The following RABGAP1L variants were observed in gnomAD, a reference collection of about 807,000 sequenced individuals.
The protein encoded by RABGAP1L is RAB GTPase activating protein 1 like.
Under a neutral mutation model 137.7 loss-of-function variants are expected in RABGAP1L, and 63 were observed. The observed-to-expected ratio is 0.46, with a 90% CI of 0.37 to 0.56. The LOEUF is 0.56. RABGAP1L is among the 20% of genes least tolerant of loss of function. The pLI is 0.00. For synonymous variants in RABGAP1L, 431 were observed against 433.7 expected, an observed-to-expected ratio of 0.99 and a Z score of 0.08; for missense variants, 1,095 against 1,244.0, an observed-to-expected ratio of 0.88 and a Z score of 1.80.
At chr1:174,430,581 G>A (rs895046945) in intron 13 of RABGAP1L, among the ~76,000 whole-genome samples, 1 of 152,132 alleles carries the variant, frequency 6.6e-6, no homozygotes, top group African/African-American at 2.4e-5. Flanking sequence ...CTAGGGCAGA[G>A]CATTCAAGAC....
chr1:174,291,230 T>C (rs1001115034), intron 10 of RABGAP1L, among the ~76,000 whole-genome samples: 8 of 151,842 alleles, frequency 5.3e-5, no homozygotes, highest in African/African-American at 1.9e-4. Context: ...TTGTGGTTTT[T>C]CCCCCTTTTT....
In RABGAP1L at chr1:174,810,933, TA is replaced by T. The variant is rs549659111; in HGVS notation, c.2212-886del. Among the ~76,000 whole-genome samples, 848 of 145,648 alleles carry T rather than the reference TA, an allele frequency of 5.8e-3. 1 individual carries two copies. Among genetic ancestry groups the T allele is most frequent in the African/African-American group, 0.011 (438 of 39,908 alleles). On this transcript the variant is annotated intron_variant, in intron 18 of 25. Coordinates refer to ENST00000681986, the MANE Select transcript of RABGAP1L (RefSeq NM_001366446.1). Reference sequence around the variant, plus strand: ...ACAGAGTGAGACTCCCATCTCTATTTAAAAAAAAAAAAATTATAAGTAGCTG... The same window carrying T: ...ACAGAGTGAGACTCCCATCTCTATTTAAAAAAAAAAAATTATAAGTAGCTG...
intron 12 of RABGAP1L, among the ~76,000 whole-genome samples, chr1:174,390,656 A>G (rs927213019): frequency 6.6e-6 from 1 of 152,196 alleles, no homozygotes. Context: ...TGGGGAGGAT[A>G]AAGTTGGTTG....
chr1:174,764,083 T>TG (rs1195572726), intron 18 of RABGAP1L, among the ~76,000 whole-genome samples: 2 of 152,186 alleles, frequency 1.3e-5, no homozygotes, highest in African/African-American at 2.4e-5. Context: ...TGTGACTGGC[T>TG]TTTTTTCCTT....
intron 13 of RABGAP1L, among the ~76,000 whole-genome samples, chr1:174,463,111 T>G (rs2149286315): frequency 6.6e-6 from 1 of 152,284 alleles, no homozygotes; most frequent in South Asian, 2.1e-4. Flanking sequence ...TGGCGATTCC[T>G]CAGGGATCTA....
chr1:174,603,569 C>T (rs1216898867), intron 13 of RABGAP1L, among the ~76,000 whole-genome samples: 3 of 152,150 alleles, frequency 2.0e-5, no homozygotes, highest in Non-Finnish European at 1.5e-5. Context: ...TAAGCTGGCA[C>T]CCCCACCACA....
At chr1:174,978,968 C>T in intron 23 of RABGAP1L, 78 bp downstream of exon 23, 1 of 1,400,470 alleles carries the variant, frequency 7.1e-7, no homozygotes, top group Non-Finnish European at 9.3e-7. Flanking sequence ...TGCTTGAGGC[C>T]AGGAGTTTGA....
chr1:174,621,492 G>A (rs886832809), intron 13 of RABGAP1L, among the ~76,000 whole-genome samples: 2 of 152,178 alleles, frequency 1.3e-5, no homozygotes, highest in African/African-American at 2.4e-5. Context: ...CATGGTACTG[G>A]TAGCAAAACA....
intron 14 of RABGAP1L, among the ~76,000 whole-genome samples, chr1:174,661,698 A>T (rs1490855015): frequency 2.0e-5 from 3 of 152,144 alleles, no homozygotes; most frequent in Non-Finnish European, 4.4e-5. Flanking sequence ...GTGTGTGTCT[A>T]GTAAGATATA....
Position 174,354,249 on chromosome 1 carries a change from A to T in RABGAP1L, c.1466-16730A>T, listed in dbSNP as rs188595225. On this transcript the variant is annotated intron_variant, in intron 11 of 25. Coordinates refer to ENST00000681986, the MANE Select transcript of RABGAP1L (RefSeq NM_001366446.1). ...CCACCACTTTGCTTCTTTTTTTTTT[A>T]AATTCAATTTAATTTTTATTAATTT... is the stretch of plus-strand genomic sequence containing the variant. Among the ~76,000 whole-genome samples, 143 of 150,512 alleles carry T rather than the reference A, an allele frequency of 9.5e-4. No individual in the cohort carries two copies. The East Asian group carries it at 0.023, about 24-fold the overall frequency.
At chr1:174,855,211 T>G (rs577541399) in intron 19 of RABGAP1L, among the ~76,000 whole-genome samples, 71 of 152,256 alleles carry the variant, frequency 4.7e-4, no homozygotes, top group African/African-American at 1.7e-3. Context: ...ATTCTAGTAG[T>G]AGAGACCAAT....
intron 13 of RABGAP1L, among the ~76,000 whole-genome samples, chr1:174,618,367 C>A (rs55945681): frequency 0.38 from 55,713 of 148,148 alleles, 13,422 homozygotes; most frequent in African/African-American, 0.69. Context: ...CTGACCCACG[C>A]GTAGCCTAAC....
In RABGAP1L at chr1:174,616,614, G is replaced by T. The variant is rs139458745; in HGVS notation, c.1711-20761G>T. On this transcript the variant is annotated intron_variant, in intron 13 of 25. Transcript: ENST00000681986. ...AAAGCCTAGAGGACGAATTGATTAA[G>T]TGAGGAAAAGGGAGACAAGACTTCC... Among the ~76,000 whole-genome samples the T allele has an allele frequency of 1.3e-4, 20 of 152,294 alleles. No homozygotes were observed. The East Asian group carries it at 3.9e-3, about 29-fold the overall frequency.
rs1299506445 is a variant in RABGAP1L, at chr1:174,591,787, A to C, written c.1711-45588A>C. Among the ~76,000 whole-genome samples the C allele has an allele frequency of 3.1e-4, 7 of 22,488 alleles. 1 individual carries two copies. The highest frequency in any genetic ancestry group is 2.6e-3 in the South Asian group (1 of 380). The allele number at this position is 22,488 out of a possible 152,430, so 14.8% of individuals were successfully genotyped here. On this transcript the variant is annotated intron_variant, in intron 13 of 25. Coordinates refer to ENST00000681986, the MANE Select transcript of RABGAP1L (RefSeq NM_001366446.1). Reference sequence around the variant, plus strand: ...GTATAGTTTGAAGTCAGGTAGTGTGATGCCTCCAGCTTTGTTCTTTTGGCT... The same window carrying C: ...GTATAGTTTGAAGTCAGGTAGTGTGCTGCCTCCAGCTTTGTTCTTTTGGCT...
chr1:174,853,819 G>A (rs1648801922), intron 19 of RABGAP1L, among the ~76,000 whole-genome samples: 1 of 152,182 alleles, frequency 6.6e-6, no homozygotes, highest in Non-Finnish European at 1.5e-5. Context: ...GCTATCTCTT[G>A]ATGAGCTTTG....
chr1:174,331,163 C>G (rs1327870295), intron 11 of RABGAP1L, among the ~76,000 whole-genome samples: 1 of 152,180 alleles, frequency 6.6e-6, no homozygotes, highest in African/African-American at 2.4e-5. Context: ...AGGCCCCTCT[C>G]TCTCTCTGTA....
chr1:174,231,583 TAAAG>T (rs1670656671), intron 4 of RABGAP1L, among the ~76,000 whole-genome samples: 1 of 152,150 alleles, frequency 6.6e-6, no homozygotes, highest in Non-Finnish European at 1.5e-5. Context: ...GGATAATTGA[TAAAG>T]AGAAGAGGTT....
intron 15 of RABGAP1L, among the ~76,000 whole-genome samples, chr1:174,697,991 G>A (rs1679386965): frequency 2.0e-5 from 3 of 152,160 alleles, no homozygotes; most frequent in Admixed American, 1.3e-4. Context: ...GTATTTTGTG[G>A]TTTATAATTA....
intron 17 of RABGAP1L, among the ~76,000 whole-genome samples, chr1:174,731,528 A>G (rs1478355210): frequency 6.6e-6 from 1 of 152,104 alleles, no homozygotes; most frequent in Non-Finnish European, 1.5e-5. Context: ...TTTTTTTTCT[A>G]GTGGATAATC....
Sources: allele counts gnomAD v4.1 joint callset (sites outside exome capture counted in the v4.1 genomes callset), GRCh38; gene constraint gnomAD v4.1.1; transcripts MANE v1.5; gene names NCBI Gene and HGNC (gene_info 2026-07-23, HGNC 2026-07-21).